TMEM132D: variants seen among roughly 807,000 people sequenced by gnomAD.
The protein encoded by TMEM132D is transmembrane protein 132D.
TMEM132D carries 21 observed loss-of-function variants against 62.3 expected under a neutral mutation model. That is an observed-to-expected ratio of 0.34 (90% CI 0.24 to 0.49). The LOEUF is 0.49. Among genes scored for constraint, TMEM132D ranks in the 20% least tolerant of loss-of-function variants. The pLI is 0.99. For missense variants in TMEM132D, 1,346 were observed against 1,402.8 expected (o/e 0.96, Z 0.65); for synonymous variants, 621 against 575.6 (o/e 1.08, Z -1.13).
intron 1 of TMEM132D, among the ~76,000 whole-genome samples, chr12:129,887,242 C>G (rs929094416): frequency 6.6e-6 from 1 of 152,108 alleles, no homozygotes; most frequent in Non-Finnish European, 1.5e-5. Context: ...CCCTGTCTAC[C>G]GTGGAGGCAG....
rs141768525 is a variant in TMEM132D at position 129,670,280 on chromosome 12, G to T, written c.968+29530C>A. On this transcript the variant is annotated intron_variant, in intron 2 of 8. Transcript: ENST00000422113. ...CTTTCCCAAAGCAGACCTCCTTCTTGCCTGAGGACTCAATTTCCTTTATAG... is the reference window on the plus strand; with the variant it reads ...CTTTCCCAAAGCAGACCTCCTTCTTTCCTGAGGACTCAATTTCCTTTATAG... Among the ~76,000 whole-genome samples, 109 of 152,274 alleles carry T rather than the reference G, an allele frequency of 7.2e-4. No individual in the cohort carries two copies. The East Asian group carries it at 0.019, about 26-fold the overall frequency.
intron 2 of TMEM132D, among the ~76,000 whole-genome samples, chr12:129,644,246 G>A (rs1036616580): frequency 2.0e-5 from 3 of 152,246 alleles, no homozygotes; most frequent in African/African-American, 7.2e-5. Flanking sequence ...CTGTGTCACG[G>A]GCATGCACCC....
intron 3 of TMEM132D, among the ~76,000 whole-genome samples, chr12:129,386,440 CAATACT>C (rs1207270286): frequency 6.6e-6 from 1 of 151,776 alleles, no homozygotes; most frequent in East Asian, 1.9e-4. Flanking sequence ...ACACCAACAC[CAATACT>C]AACACTAATA....
intron 4 of TMEM132D, among the ~76,000 whole-genome samples, chr12:129,217,203 A>G (rs1422211833): frequency 1.3e-5 from 2 of 152,224 alleles, no homozygotes; most frequent in Non-Finnish European, 2.9e-5. Flanking sequence ...ACTATACACC[A>G]TGGAATACTA....
intron 1 of TMEM132D, among the ~76,000 whole-genome samples, chr12:129,717,132 T>C (rs1198519378): frequency 6.6e-6 from 1 of 152,134 alleles, no homozygotes; most frequent in Non-Finnish European, 1.5e-5. Context: ...AAAGCGCACT[T>C]GAGGCATGCA....
chr12:129,120,427 AGT>A (rs996264859), intron 5 of TMEM132D, among the ~76,000 whole-genome samples: 5 of 152,210 alleles, frequency 3.3e-5, no homozygotes, highest in African/African-American at 1.2e-4. Flanking sequence ...TTACTGGGAA[AGT>A]GTAAGTCCAG....
intron 1 of TMEM132D, among the ~76,000 whole-genome samples, chr12:129,794,774 G>A (rs913484648): frequency 6.6e-6 from 1 of 152,106 alleles, no homozygotes; most frequent in African/African-American, 2.4e-5. Context: ...AATTTTTGCT[G>A]TTAATGGGAA....
At position 129,072,737 on chromosome 12, in the gene TMEM132D, CGAG is replaced by C. The variant is rs1565953954; in HGVS notation, c.*1135_*1137del. 6.6e-6 allele frequency: 1 copy of C among 152,318 alleles called. No individual in the cohort carries two copies. Among genetic ancestry groups the C allele is most frequent in the African/African-American group, 2.4e-5 (1 of 41,412 alleles). 9.4% of individuals were successfully genotyped at this position (152,318 alleles called of 1,614,324 possible). A position where few individuals can be genotyped will look rare whatever the true frequency, so the allele number is the denominator to read the frequency against. On this transcript the variant is annotated 3_prime_UTR_variant, in exon 9 of 9. Transcript: ENST00000422113. ...GCACCCCGATTTGTCTCAACAGCCTCGAGGCCACATCTTTGGACAGGAGATCTG... is the reference window on the plus strand; with the variant it reads ...GCACCCCGATTTGTCTCAACAGCCTCGCCACATCTTTGGACAGGAGATCTG...
intron 5 of TMEM132D, among the ~76,000 whole-genome samples, chr12:129,180,640 G>C (rs1878039410): frequency 6.6e-6 from 1 of 152,166 alleles, no homozygotes; most frequent in Non-Finnish European, 1.5e-5. Context: ...TAAAGAAGCA[G>C]GCAGTCAGGA....
chr12:129,174,178 C>T (rs1285369461), intron 5 of TMEM132D, among the ~76,000 whole-genome samples: 1 of 152,036 alleles, frequency 6.6e-6, no homozygotes, highest in East Asian at 1.9e-4. Flanking sequence ...TATATGTGTG[C>T]CATGGTGGTC....
chr12:129,360,892 CA>C (rs1296137015), intron 3 of TMEM132D, among the ~76,000 whole-genome samples: 2 of 152,168 alleles, frequency 1.3e-5, no homozygotes, highest in Non-Finnish European at 2.9e-5. Flanking sequence ...TGTCGCGACA[CA>C]TAACTCCTCC....
chr12:129,860,672 A>T (rs1362127251), intron 1 of TMEM132D, among the ~76,000 whole-genome samples: 1 of 152,228 alleles, frequency 6.6e-6, no homozygotes, highest in Non-Finnish European at 1.5e-5. Flanking sequence ...ATAAAAACAT[A>T]TCCGAGACTG....
chr12:129,425,992 G>A (rs1033703485), intron 3 of TMEM132D, among the ~76,000 whole-genome samples: 1 of 152,198 alleles, frequency 6.6e-6, no homozygotes, highest in African/African-American at 2.4e-5. Flanking sequence ...TATGGGTAGT[G>A]CCCAGTATTT....
At chr12:129,401,736 G>A (rs969248369) in intron 3 of TMEM132D, among the ~76,000 whole-genome samples, 1 of 152,092 alleles carries the variant, frequency 6.6e-6, no homozygotes, top group Non-Finnish European at 1.5e-5. Flanking sequence ...TAATGAGCTG[G>A]GATTGGAGCC....
At chr12:129,314,041 A>G (rs1593333634) in intron 4 of TMEM132D, among the ~76,000 whole-genome samples, 1 of 152,072 alleles carries the variant, frequency 6.6e-6, no homozygotes, top group East Asian at 1.9e-4. Context: ...TCCTTAGCCC[A>G]CTTTTTAATG....
chr12:129,792,930 G>A (rs547933490), intron 1 of TMEM132D, among the ~76,000 whole-genome samples: 1 of 152,190 alleles, frequency 6.6e-6, no homozygotes, highest in Admixed American at 6.5e-5. Flanking sequence ...CTACCAGGAG[G>A]GAAACTGGTG....
At chr12:129,681,073 A>T (rs983977367) in intron 2 of TMEM132D, among the ~76,000 whole-genome samples, 1 of 152,210 alleles carries the variant, frequency 6.6e-6, no homozygotes, top group Non-Finnish European at 1.5e-5. Context: ...TGTGAAATGT[A>T]GATTGCAGAG....
chr12:129,888,045 C>G (rs963127061), intron 1 of TMEM132D, among the ~76,000 whole-genome samples: 2 of 152,140 alleles, frequency 1.3e-5, no homozygotes, highest in African/African-American at 4.8e-5. Flanking sequence ...TTGAGCTGTT[C>G]TCTCTCTTTC....
At chr12:129,550,916 T>A (rs1876877133) in intron 2 of TMEM132D, among the ~76,000 whole-genome samples, 1 of 152,202 alleles carries the variant, frequency 6.6e-6, no homozygotes, top group Non-Finnish European at 1.5e-5. Flanking sequence ...TATGAGGCTG[T>A]GAGTTCTGTT....
Sources: allele counts gnomAD v4.1 joint callset (sites outside exome capture counted in the v4.1 genomes callset), GRCh38; gene constraint gnomAD v4.1.1; transcripts MANE v1.5; gene names NCBI Gene and HGNC (gene_info 2026-07-23, HGNC 2026-07-21).